The following SYN3 variants were observed in gnomAD, a reference collection of about 807,000 sequenced individuals.
The protein encoded by SYN3 is synapsin-3.
Under a neutral mutation model 65.8 loss-of-function variants are expected in SYN3, and 35 were observed. That is an observed-to-expected ratio of 0.53 (90% CI 0.41 to 0.70). The LOEUF (loss-of-function observed/expected upper bound fraction) is 0.70, where lower values mean the gene tolerates loss of function less well. Ranked by LOEUF, SYN3 falls within the 30% of genes least tolerant of loss-of-function variation. SYN3 has a pLI of 0.00. For synonymous variants in SYN3, 270 were observed against 292.9 expected, an observed-to-expected ratio of 0.92 and a Z score of 0.80; for missense variants, 680 against 749.0, an observed-to-expected ratio of 0.91 and a Z score of 1.08.
intron 1 of SYN3, among the ~76,000 whole-genome samples, chr22:33,053,652 T>C (rs190711293): frequency 2.6e-5 from 4 of 152,320 alleles, no homozygotes; most frequent in Admixed American, 2.6e-4. Context: ...GATTATTCTC[T>C]TTCTTGGGCT....
intron 4 of SYN3, 137 bp from the exon 5 acceptor site, chr22:32,869,262 G>A: frequency 2.5e-6 from 2 of 811,254 alleles, no homozygotes; most frequent in Non-Finnish European, 3.9e-6. Flanking sequence ...GGTGGGGGAT[G>A]AGGGCAGTTA....
In SYN3 at chr22:32,989,975, G is replaced by A. The variant is rs183202729; in HGVS notation, c.312-9273C>T. ...CATACCACAGAAAGGGTTAACGTTT[G>A]GAAGGCTACATCATGCCTTCAGCAA... On this transcript the variant is annotated intron_variant, in intron 2 of 13. Coordinates refer to ENST00000358763, the MANE Select transcript of SYN3 (RefSeq NM_003490.4). Among the ~76,000 whole-genome samples, 433 of 152,200 alleles carry A rather than the reference G, an allele frequency of 2.8e-3. 4 individuals carry two copies. Among genetic ancestry groups the A allele is most frequent in the African/African-American group, 0.01 (417 of 41,522 alleles).
intron 1 of SYN3, among the ~76,000 whole-genome samples, chr22:33,008,924 CAAAAAAAAAAAAA>C (rs201719238): frequency 2.5e-4 from 14 of 57,096 alleles, no homozygotes; most frequent in East Asian, 1.5e-3. Flanking sequence ...GACTTTATCT[CAAAAAAAAAAAAA>C]AAAAAAAAAA....
At chr22:32,526,577 G>A (rs1273302617) in intron 12 of SYN3, among the ~76,000 whole-genome samples, 4 of 151,942 alleles carry the variant, frequency 2.6e-5, no homozygotes, top group African/African-American at 4.8e-5. Flanking sequence ...GTGCAGTGGC[G>A]CAATCTCGGC....
intron 3 of SYN3, among the ~76,000 whole-genome samples, chr22:32,933,553 C>T (rs1243410630): frequency 3.3e-5 from 5 of 152,206 alleles, no homozygotes; most frequent in African/African-American, 7.2e-5. Flanking sequence ...CTCAGCCTCC[C>T]GAGTAGCTGG....
chr22:32,923,903 C>CA (rs771319852), intron 4 of SYN3, among the ~76,000 whole-genome samples: 4 of 152,156 alleles, frequency 2.6e-5, no homozygotes, highest in Non-Finnish European at 5.9e-5. Context: ...CATGAGTTCT[C>CA]ATCATTTAGC....
chr22:32,949,929 C>T (rs2051239489), intron 3 of SYN3, among the ~76,000 whole-genome samples: 1 of 152,146 alleles, frequency 6.6e-6, no homozygotes, highest in Non-Finnish European at 1.5e-5. Flanking sequence ...GACCTTGAAG[C>T]CTGACTGAGG....
intron 6 of SYN3, among the ~76,000 whole-genome samples, chr22:32,630,125 C>T (rs921864462): frequency 3.3e-5 from 5 of 151,288 alleles, no homozygotes; most frequent in South Asian, 2.1e-4. Flanking sequence ...CTGGGACTAC[C>T]GGCGCCCACC....
chr22:32,590,605 C>T (rs1322095259), intron 7 of SYN3, among the ~76,000 whole-genome samples: 1 of 152,212 alleles, frequency 6.6e-6, no homozygotes, highest in Non-Finnish European at 1.5e-5. Context: ...AGTGGTTGTA[C>T]AAATTTATGC....
intron 2 of SYN3, among the ~76,000 whole-genome samples, chr22:32,985,410 G>A (rs532242492): frequency 1.3e-5 from 2 of 152,324 alleles, no homozygotes; most frequent in South Asian, 2.1e-4. Context: ...TCTCACAGGT[G>A]CAAGGAGTGA....
At chr22:32,833,415 A>G (rs2047635943) in intron 6 of SYN3, among the ~76,000 whole-genome samples, 1 of 152,228 alleles carries the variant, frequency 6.6e-6, no homozygotes, top group East Asian at 1.9e-4. Flanking sequence ...AGTCCAAAGG[A>G]GAATTTTTTT....
At chr22:32,598,270 C>T (rs2059231920) in intron 6 of SYN3, among the ~76,000 whole-genome samples, 1 of 152,182 alleles carries the variant, frequency 6.6e-6, no homozygotes, top group Admixed American at 6.5e-5. Context: ...CATCACAAAG[C>T]CATTCTGTGG....
At chr22:32,665,630 G>A (rs1356493561) in intron 6 of SYN3, among the ~76,000 whole-genome samples, 1 of 151,972 alleles carries the variant, frequency 6.6e-6, no homozygotes, top group Non-Finnish European at 1.5e-5. Flanking sequence ...GCGCTCTTCT[G>A]TCAAACACTT....
intron 1 of SYN3, among the ~76,000 whole-genome samples, chr22:33,029,048 A>C (rs1382570443): frequency 1.3e-5 from 2 of 151,966 alleles, no homozygotes; most frequent in Non-Finnish European, 2.9e-5. Flanking sequence ...TCAAAAAAAA[A>C]AAAGAATCAG....
chr22:32,679,048 C>CTTTTTTTTTTTTTTTTTTTTTTTTT (rs145971116), intron 6 of SYN3, among the ~76,000 whole-genome samples: 21 of 85,626 alleles, frequency 2.5e-4, no homozygotes, highest in Non-Finnish European at 2.7e-4. Context: ...TTGTTTCTTT[C>CTTTTTTTTTTTTTTTTTTTTTTTTT]TTTTTTTTTT....
At chr22:32,826,591 A>C (rs2047420579) in intron 6 of SYN3, among the ~76,000 whole-genome samples, 1 of 152,222 alleles carries the variant, frequency 6.6e-6, no homozygotes, top group South Asian at 2.1e-4. Context: ...AATCTTGAGA[A>C]GTTAACACTT....
At chr22:32,689,208 G>A (rs1442393542) in intron 6 of SYN3, among the ~76,000 whole-genome samples, 1 of 152,192 alleles carries the variant, frequency 6.6e-6, no homozygotes, top group Admixed American at 6.5e-5. Context: ...CTAGGGCAGA[G>A]ACTACAGCAG....
chr22:32,996,322 T>C (rs2052879613), intron 2 of SYN3, among the ~76,000 whole-genome samples: 2 of 152,038 alleles, frequency 1.3e-5, no homozygotes, highest in African/African-American at 4.8e-5. Context: ...CACTCACATC[T>C]ACATTGAAAA....
intron 6 of SYN3, among the ~76,000 whole-genome samples, chr22:32,703,924 A>G (rs963971293): frequency 2.0e-5 from 3 of 152,192 alleles, no homozygotes; most frequent in African/African-American, 7.2e-5. Context: ...CACTTAACTA[A>G]TGTAAAAAGC....
Sources: allele counts gnomAD v4.1 joint callset (sites outside exome capture counted in the v4.1 genomes callset), GRCh38; gene constraint gnomAD v4.1.1; transcripts MANE v1.5; gene names NCBI Gene and HGNC (gene_info 2026-07-23, HGNC 2026-07-21).